TMCC1: variants seen among roughly 807,000 people sequenced by gnomAD.
TMCC1 encodes transmembrane and coiled-coil domain family 1.
A neutral mutation model predicts 52.4 loss-of-function variants in TMCC1; 15 were observed. The observed-to-expected ratio is 0.29, with a 90% CI of 0.19 to 0.44. The LOEUF is 0.44. TMCC1 is among the 20% of genes least tolerant of loss of function. The pLI, the probability that TMCC1 is intolerant of heterozygous loss-of-function variation, is 1.00. For missense variants in TMCC1, 503 were observed against 806.0 expected (o/e 0.62, Z 4.55); for synonymous variants, 279 against 301.9 (o/e 0.92, Z 0.79).
intron 4 of TMCC1, among the ~76,000 whole-genome samples, chr3:129,689,786 C>A (rs986811742): frequency 1.3e-5 from 2 of 152,140 alleles, no homozygotes. Context: ...CCAGAAATTC[C>A]TTTTCCATCT....
At chr3:129,840,409 TA>T (rs2107865689) in intron 2 of TMCC1, among the ~76,000 whole-genome samples, 1 of 124,144 alleles carries the variant, frequency 8.1e-6, no homozygotes, top group East Asian at 2.3e-4. Context: ...AGGAAAAAAA[TA>T]AAACAATGGA....
chr3:129,859,603 C>G (rs1396853965), intron 2 of TMCC1, among the ~76,000 whole-genome samples: 2 of 152,040 alleles, frequency 1.3e-5, no homozygotes, highest in African/African-American at 2.4e-5. Context: ...CACCACTGCA[C>G]TCCAGCCTCA....
In TMCC1 at chr3:129,828,505, C is replaced by A; in HGVS notation, c.-127G>T. The A allele has an allele frequency of 2.4e-6, 2 of 823,722 alleles. No individual in the cohort carries two copies. Among genetic ancestry groups the A allele is most frequent in the South Asian group, 2.0e-5 (1 of 50,452 alleles). 51.0% of individuals were successfully genotyped at this position (823,722 alleles called of 1,614,324 possible). A position where few individuals can be genotyped will look rare whatever the true frequency, so the allele number is the denominator to read the frequency against. On this transcript the variant is annotated 5_prime_UTR_variant, in exon 4 of 7. It adds an upstream start codon to the 5' untranslated region. Transcript: ENST00000393238. This position sits in a 1 kb window ranked among gnomAD's most constrained non-coding sequence, Gnocchi z 4.1. ...CAGCTGTGAGACGAAGGCTTCATGC[C>A]TATCTAATGTTAAAAACAAAAAAAC...
At chr3:129,656,127 C>T (rs936284040) in intron 5 of TMCC1, among the ~76,000 whole-genome samples, 1 of 152,210 alleles carries the variant, frequency 6.6e-6, no homozygotes, top group Non-Finnish European at 1.5e-5. Flanking sequence ...GAAAACGAGT[C>T]TTCTCATAGT....
At chr3:129,737,733 C>T (rs184985785) in intron 4 of TMCC1, among the ~76,000 whole-genome samples, 1 of 152,130 alleles carries the variant, frequency 6.6e-6, no homozygotes, top group South Asian at 2.1e-4. Context: ...TACTTCAGCA[C>T]ATATCTCCAA....
chr3:129,789,919 A>G (rs2107746146), intron 4 of TMCC1, among the ~76,000 whole-genome samples: 1 of 152,316 alleles, frequency 6.6e-6, no homozygotes, highest in African/African-American at 2.4e-5. Context: ...AATAATTTCA[A>G]TAAAATCAAC....
chr3:129,877,196 C>T (rs2061255137), intron 2 of TMCC1, among the ~76,000 whole-genome samples: 2 of 152,190 alleles, frequency 1.3e-5, no homozygotes, highest in South Asian at 4.1e-4. Flanking sequence ...TAACCTCCAA[C>T]CGCTCCACTA....
At chr3:129,770,396 G>A (rs947980997) in intron 4 of TMCC1, among the ~76,000 whole-genome samples, 3 of 152,004 alleles carry the variant, frequency 2.0e-5, no homozygotes, top group African/African-American at 4.8e-5. Context: ...CACACCTGTA[G>A]TCCCAGTTAC....
chr3:129,687,979 C>T (rs1000783379), intron 4 of TMCC1, among the ~76,000 whole-genome samples: 1 of 152,200 alleles, frequency 6.6e-6, no homozygotes, highest in Non-Finnish European at 1.5e-5. Context: ...TTGAGAGACA[C>T]ATGAGAAAAC....
intron 4 of TMCC1, among the ~76,000 whole-genome samples, chr3:129,820,714 T>C (rs745324795): frequency 2.6e-5 from 4 of 152,180 alleles, no homozygotes; most frequent in Non-Finnish European, 5.9e-5. Context: ...CTTAGGACAA[T>C]GCTCCAGCAC....
chr3:129,817,862 G>A (rs573765941), intron 4 of TMCC1, among the ~76,000 whole-genome samples: 1 of 152,150 alleles, frequency 6.6e-6, no homozygotes, highest in Non-Finnish European at 1.5e-5. Context: ...ACCCAGGCTA[G>A]AGTGCAATGG....
At chr3:129,871,375 A>G (rs939686178) in intron 2 of TMCC1, among the ~76,000 whole-genome samples, 2 of 151,718 alleles carry the variant, frequency 1.3e-5, no homozygotes, top group South Asian at 2.1e-4. Context: ...CAAAAAAAAA[A>G]AAAAAAAAAA....
chr3:129,730,625 T>G (rs959910623), intron 4 of TMCC1, among the ~76,000 whole-genome samples: 1 of 152,228 alleles, frequency 6.6e-6, no homozygotes, highest in African/African-American at 2.4e-5. Flanking sequence ...CCAGTATGGT[T>G]GACTCTTCTA....
intron 4 of TMCC1, among the ~76,000 whole-genome samples, chr3:129,716,329 A>ATTTTT (rs71155569): frequency 1.8e-4 from 13 of 73,632 alleles, no homozygotes; most frequent in South Asian, 5.8e-4. Context: ...CACCTGGCAA[A>ATTTTT]TTTTTTTTTT....
intron 2 of TMCC1, among the ~76,000 whole-genome samples, chr3:129,877,488 T>C (rs1049663155): frequency 1.3e-5 from 2 of 152,312 alleles, no homozygotes; most frequent in African/African-American, 4.8e-5. Context: ...TCTACTCACT[T>C]AATTGGAGAT....
chr3:129,877,890 C>T (rs2061294697), intron 2 of TMCC1, among the ~76,000 whole-genome samples: 1 of 152,088 alleles, frequency 6.6e-6, no homozygotes, highest in Non-Finnish European at 1.5e-5. Context: ...CCCGCCTCGG[C>T]CTCCCAAAGT....
In TMCC1 at chr3:129,875,510, A is replaced by C. The variant is rs564482201; in HGVS notation, c.-184+4799T>G. 3.6e-4 allele frequency among the ~76,000 whole-genome samples: 54 copies of C among 150,636 alleles called. 1 individual carries two copies. Among genetic ancestry groups the C allele is most frequent in the African/African-American group, 1.2e-3 (50 of 41,186 alleles). ...CATCTCAAAAAAAAAAAAAAAAAAA[A>C]AAAAAACAACACAAACACACCCAAA... is the stretch of plus-strand genomic sequence containing the variant. On this transcript the variant is annotated intron_variant, in intron 2 of 6. Transcript: ENST00000393238.
At chr3:129,871,889 T>C (rs989625651) in intron 2 of TMCC1, among the ~76,000 whole-genome samples, 3 of 152,170 alleles carry the variant, frequency 2.0e-5, no homozygotes, top group African/African-American at 7.2e-5. Context: ...GCAATGCAAA[T>C]GAATCTACGA....
intron 2 of TMCC1, among the ~76,000 whole-genome samples, chr3:129,856,568 C>T (rs938927412): frequency 3.9e-5 from 6 of 152,160 alleles, no homozygotes; most frequent in African/African-American, 7.2e-5. Context: ...GTATTTCAAA[C>T]ATGTATGAGC....
Sources: allele counts gnomAD v4.1 joint callset (sites outside exome capture counted in the v4.1 genomes callset), GRCh38; gene constraint gnomAD v4.1.1; non-coding constraint Gnocchi (gnomAD v3.1); transcripts MANE v1.5; gene names NCBI Gene and HGNC (gene_info 2026-07-23, HGNC 2026-07-21).